Variants in WDR11 observed in about 807,000 individuals in gnomAD.
WDR11 encodes WD repeat domain 11.
WDR11 carries 83 observed loss-of-function variants against 151.2 expected under a neutral mutation model. That is an observed-to-expected ratio of 0.55 (90% CI 0.46 to 0.66). The LOEUF (loss-of-function observed/expected upper bound fraction) is 0.66. Ranked by LOEUF, WDR11 falls within the 30% of genes least tolerant of loss-of-function variation. WDR11 has a pLI of 0.00. For missense variants in WDR11, 1,301 were observed against 1,480.9 expected, an observed-to-expected ratio of 0.88 and a Z score of 1.99; for synonymous variants, 484 against 533.1, an observed-to-expected ratio of 0.91 and a Z score of 1.27.
chr10:120,880,956 A>AT, intron 13 of WDR11, 55 bp downstream of exon 13: 1 of 1,487,320 alleles, frequency 6.7e-7, no homozygotes, highest in Non-Finnish European at 9.2e-7. Context: ...AATCTCGTGG[A>AT]TTTTTTTAAT....
At position 120,873,891 on chromosome 10, in the gene WDR11, CAA is replaced by C. The variant is rs1427976174; in HGVS notation, c.1526_1527del (p.Lys509ArgfsTer8). 3 of 1,613,100 alleles carry C rather than the reference CAA, an allele frequency of 1.9e-6. No individual in the cohort carries two copies. Among genetic ancestry groups the C allele is most frequent in the Non-Finnish European group, 2.5e-6 (3 of 1,179,270 alleles). ...ACCATCTCACCAGTGGTCTGCTACA[CAA>C]AGAGTTAAGCATCCACTCATGTGAA... Reference protein sequence around the residue: ...VYHLTSGLLHKELSIHSCEVK... With the variant: ...VYHLTSGLLHXELSIHSCEVK... On this transcript the variant is annotated frameshift_variant, in exon 11 of 29. Transcript: ENST00000263461. LOFTEE classifies it high-confidence loss of function.
At chr10:120,884,124 A>G (rs1394015349) in intron 14 of WDR11, among the ~76,000 whole-genome samples, 1 of 152,148 alleles carries the variant, frequency 6.6e-6, no homozygotes, top group African/African-American at 2.4e-5. Context: ...TTTGAGGAAT[A>G]TGGTAAACAT....
intron 4 of WDR11, among the ~76,000 whole-genome samples, chr10:120,862,257 A>T (rs1168566571): frequency 3.3e-5 from 5 of 149,924 alleles, no homozygotes; most frequent in Non-Finnish European, 4.4e-5. Context: ...CTCCTGCCTC[A>T]CTCTCCTGAG....
At chr10:120,876,637 C>T (rs1846802683) in intron 11 of WDR11, among the ~76,000 whole-genome samples, 1 of 152,174 alleles carries the variant, frequency 6.6e-6, no homozygotes, top group African/African-American at 2.4e-5. Flanking sequence ...CCTCTTCTCT[C>T]GACATTTCCT....
At chr10:120,859,567 C>T (rs183980793) in intron 3 of WDR11, among the ~76,000 whole-genome samples, 193 of 152,086 alleles carry the variant, frequency 1.3e-3, no homozygotes, top group Non-Finnish European at 2.3e-3. Flanking sequence ...GCGCCCTGCC[C>T]AGTACAGTAT....
chr10:120,876,976 A>G (rs1443735461), intron 11 of WDR11, among the ~76,000 whole-genome samples: 1 of 152,228 alleles, frequency 6.6e-6, no homozygotes, highest in East Asian at 1.9e-4. Flanking sequence ...GTTAGTAGGA[A>G]TCATGTTGGC....
At position 120,900,065 on chromosome 10, in the gene WDR11, C is replaced by T. The variant is rs1333137836; in HGVS notation, c.2552C>T (p.Ala851Val). The T allele has an allele frequency of 6.2e-7, 1 of 1,614,092 alleles. No homozygotes were observed. The highest frequency in any genetic ancestry group is 8.5e-7 in the Non-Finnish European group (1 of 1,179,992). Residue 851 changes from alanine (A) to valine (V), a missense_variant, in exon 20 of 29, where the codon GCC becomes GTC. Physicochemically the swap from Ala to Val is moderately conservative, Grantham distance 64. This residue lies in a region of WDR11 where 589 missense variants were observed against 670.6 expected (regional missense o/e 0.88). Transcript: ENST00000263461. ...TGCCCCTATCTCCTTGTTCCAAGGGCCTCTCTTGCCTTGAAAGCCTTCTTA... is the reference window on the plus strand; with the variant it reads ...TGCCCCTATCTCCTTGTTCCAAGGGTCTCTCTTGCCTTGAAAGCCTTCTTA... The part of the protein sequence containing the change: ...VWCPYLLVPR[A>V]SLALKAFLLH...
chr10:120,860,133 A>T lies in WDR11; in HGVS notation c.377A>T (p.Asp126Val). 3 of 1,614,184 alleles carry T rather than the reference A, an allele frequency of 1.9e-6. No homozygotes were observed. Among genetic ancestry groups the T allele is most frequent in the Non-Finnish European group, 2.5e-6 (3 of 1,180,030 alleles). Reference protein sequence around the residue: ...IQDVQWLWNQDASRDLLLAIH... With the variant: ...IQDVQWLWNQVASRDLLLAIH... The stretch of plus-strand genomic sequence containing the variant: ...GATGTTCAGTGGTTGTGGAATCAAG[A>T]TGCTTCCCGCGATTTACTGCTTGCT... Residue 126 changes from aspartate to valine, a missense_variant, in exon 4 of 29, where the codon GAT (aspartate) becomes GTT (valine). By Grantham distance (152) the Asp-to-Val change is radical. Coordinates refer to ENST00000263461, the MANE Select transcript of WDR11 (RefSeq NM_018117.12).
At chr10:120,869,526 C>T (rs202208523) in intron 9 of WDR11, among the ~76,000 whole-genome samples, 6 of 125,556 alleles carry the variant, frequency 4.8e-5, no homozygotes, top group Non-Finnish European at 9.3e-5. Context: ...TTAATTTAAA[C>T]TTTTAATTAA....
At chr10:120,874,530 AG>A (rs1463376125) in intron 11 of WDR11, among the ~76,000 whole-genome samples, 1 of 151,182 alleles carries the variant, frequency 6.6e-6, no homozygotes, top group Non-Finnish European at 1.5e-5. Context: ...CACATGCATT[AG>A]CTATTTGTCC....
At chr10:120,861,708 G>T (rs1277088813) in intron 4 of WDR11, among the ~76,000 whole-genome samples, 1 of 152,146 alleles carries the variant, frequency 6.6e-6, no homozygotes, top group East Asian at 1.9e-4. Context: ...CCTGTGTTTA[G>T]AGCAGCCTTG....
intron 21 of WDR11, among the ~76,000 whole-genome samples, chr10:120,901,726 A>G (rs376745617): frequency 1.3e-5 from 2 of 152,364 alleles, no homozygotes. Flanking sequence ...AGTTTTTTCT[A>G]TGCAAAGATT....
At chr10:120,897,138 G>A (rs945751144) in intron 19 of WDR11, among the ~76,000 whole-genome samples, 8 of 152,130 alleles carry the variant, frequency 5.3e-5, no homozygotes, top group African/African-American at 1.9e-4. Context: ...AAAACTAATG[G>A]TGGTATTGAT....
intron 19 of WDR11, among the ~76,000 whole-genome samples, chr10:120,893,916 C>G (rs1847512842): frequency 6.6e-6 from 1 of 151,906 alleles, no homozygotes; most frequent in African/African-American, 2.4e-5. Flanking sequence ...TGGATATTAG[C>G]CCTTCGTCAG....
At chr10:120,873,967 G>GA (rs1333777654) in intron 11 of WDR11, 44 bp downstream of exon 11, 22 of 1,381,008 alleles carry the variant, frequency 1.6e-5, no homozygotes, top group Non-Finnish European at 2.0e-5. Flanking sequence ...CATCATATCA[G>GA]AAAAAAAATT....
In WDR11 at chr10:120,883,881, C is replaced by G; in HGVS notation, c.1841C>G (p.Thr614Ser). Residue 614 changes from threonine to serine, a missense_variant, in exon 14 of 29, where the codon ACT becomes AGT. By Grantham distance (58) the Thr-to-Ser change is moderately conservative. Around this residue, in one of 3 missense-constraint regions of WDR11, gnomAD observed 692 missense variants for 762.5 expected, o/e 0.91. Transcript: ENST00000263461. ...ATGTCCAAAAACTTCCCTACAATAA[C>G]TGCTTTGGTAAGTTACAATTTAAGA... ...REMSKNFPTI[T>S]ALEWSPSHNL... 6.2e-7 allele frequency: 1 copy of G among 1,610,778 alleles called. No individual in the cohort carries two copies. Among genetic ancestry groups the G allele is most frequent in the Non-Finnish European group, 8.5e-7 (1 of 1,177,286 alleles).
intron 2 of WDR11, among the ~76,000 whole-genome samples, chr10:120,856,808 C>CAT (rs755428014): frequency 6.6e-6 from 1 of 151,820 alleles, no homozygotes; most frequent in African/African-American, 2.4e-5. Flanking sequence ...CATATACAAA[C>CAT]ATATATATAC....
At position 120,908,948 on chromosome 10, in the gene WDR11, A is replaced by C. The variant is rs1848182565; in HGVS notation, c.*235A>C. 1 of 552,408 alleles carries C rather than the reference A, an allele frequency of 1.8e-6. No individual in the cohort carries two copies. Among genetic ancestry groups the C allele is most frequent in the Non-Finnish European group, 3.2e-6 (1 of 309,110 alleles). The allele number at this position is 552,408 out of a possible 1,614,324, so 34.2% of individuals were successfully genotyped here. On this transcript the variant is annotated 3_prime_UTR_variant, in exon 29 of 29. Coordinates refer to ENST00000263461, the MANE Select transcript of WDR11 (RefSeq NM_018117.12). ...AATGCTTAAGATTTTGAAAGTACAT[A>C]ATATTTTATACTTTGGGAGAGAGCT... is the stretch of plus-strand genomic sequence containing the variant.
chr10:120,891,695 G>A (rs965667619), intron 19 of WDR11, among the ~76,000 whole-genome samples: 1 of 152,166 alleles, frequency 6.6e-6, no homozygotes, highest in Non-Finnish European at 1.5e-5. Context: ...TCAATATTTG[G>A]CACTTCAGAC....
Sources: gnomAD v4.1 joint callset for allele counts (sites outside exome capture counted in the v4.1 genomes callset) on GRCh38, gnomAD v4.1.1 for gene constraint, gnomAD v4.1.1 regional missense constraint, MANE v1.5 for transcripts, NCBI Gene and HGNC (gene_info 2026-07-23, HGNC 2026-07-21) for gene names.